NUP210: variants seen among roughly 807,000 people sequenced by gnomAD.
The protein encoded by NUP210 is nucleoporin 210.
In NUP210, 151 loss-of-function variants were observed where a neutral mutation model predicts 196.0. That is an observed-to-expected ratio of 0.77 (90% CI 0.67 to 0.88). The LOEUF is 0.88. NUP210 is among the 40% of genes least tolerant of loss of function. The pLI, the probability that NUP210 is intolerant of heterozygous loss-of-function variation, is 0.00. For missense variants in NUP210, 2,314 were observed against 2,493.7 expected (o/e 0.93, Z 1.53); for synonymous variants, 1,070 against 1,052.7 (o/e 1.02, Z -0.32).
chr3:13,340,449 C>T lies in NUP210; in HGVS notation c.3229-151G>A, dbSNP rs1697428287. 1.5e-6 allele frequency: 1 copy of T among 689,072 alleles called. No individual in the cohort carries two copies. The highest frequency in any genetic ancestry group is 2.5e-6 in the Non-Finnish European group (1 of 400,282). 42.7% of individuals were successfully genotyped at this position (689,072 alleles called of 1,614,324 possible). On this transcript the variant is annotated intron_variant, in intron 23 of 39. Coordinates refer to ENST00000254508, the MANE Select transcript of NUP210 (RefSeq NM_024923.4). The surrounding 1 kb of genome is among the most constrained non-coding windows in gnomAD (Gnocchi z 4.0). The stretch of plus-strand genomic sequence containing the variant: ...TGACCAGAGGGCCCAGGGTCCTGGG[C>T]CAATGCTGGGGGCTGTCTCCCAGCC...
chr3:13,319,998 C>T lies in NUP210; in HGVS notation c.5167-19G>A. 1 of 1,610,376 alleles carries T rather than the reference C, an allele frequency of 6.2e-7. No homozygotes were observed. The highest frequency in any genetic ancestry group is 8.5e-7 in the Non-Finnish European group (1 of 1,178,710). On this transcript the variant is annotated intron_variant, in intron 36 of 39. Coordinates refer to ENST00000254508, the MANE Select transcript of NUP210 (RefSeq NM_024923.4). ...ATTTCACCTGGAAGAGACATCAGAG[C>T]TGGGGGTGCACATTCTGCAGAGTGG...
At chr3:13,324,914 C>CA (rs1339869718) in intron 33 of NUP210, among the ~76,000 whole-genome samples, 1 of 152,246 alleles carries the variant, frequency 6.6e-6, no homozygotes, top group African/African-American at 2.4e-5. Flanking sequence ...TAAATCCTCA[C>CA]AACGCTATCA....
At chr3:13,387,407 C>A (rs1322976286) in intron 5 of NUP210, among the ~76,000 whole-genome samples, 1 of 152,190 alleles carries the variant, frequency 6.6e-6, no homozygotes, top group African/African-American at 2.4e-5. Flanking sequence ...TGTGGCTGTA[C>A]CCCATCCCAG....
chr3:13,326,068 G>A, intron 32 of NUP210, 137 bp from the exon 33 acceptor site: 1 of 1,133,690 alleles, frequency 8.8e-7, no homozygotes, highest in Non-Finnish European at 1.2e-6. Context: ...AGCCTCAGGA[G>A]ACAGCCACGC....
At chr3:13,362,631 A>G (rs1299909018) in intron 14 of NUP210, among the ~76,000 whole-genome samples, 1 of 152,184 alleles carries the variant, frequency 6.6e-6, no homozygotes, top group Non-Finnish European at 1.5e-5. Flanking sequence ...GATCTGATAT[A>G]GGTTATCGAC....
chr3:13,376,403 G>C lies in NUP210; in HGVS notation c.1181C>G (p.Ala394Gly). Residue 394 changes from alanine to glycine, a missense_variant, in exon 10 of 40, where the codon GCT becomes GGT. Ala to Gly is a moderately conservative substitution (Grantham distance 60, BLOSUM62 0). Coordinates refer to ENST00000254508, the MANE Select transcript of NUP210 (RefSeq NM_024923.4). ...GGACGAGAGCACCTCGAAGAACTCA[G>C]CAGGAAGCACAGTTTCAATTCGGAT... The part of the protein sequence containing the change: ...DNIRIETVLP[A>G]EFFEVLSSSQ... 2 of 1,614,272 alleles carry C rather than the reference G, an allele frequency of 1.2e-6. No individual in the cohort carries two copies. Among genetic ancestry groups the C allele is most frequent in the Non-Finnish European group, 1.7e-6 (2 of 1,180,048 alleles).
chr3:13,366,516 CTTTTTT>C (rs58529748), intron 13 of NUP210, among the ~76,000 whole-genome samples: 1 of 110,854 alleles, frequency 9.0e-6, no homozygotes, highest in Non-Finnish European at 1.8e-5. Flanking sequence ...TGATTTCTTT[CTTTTTT>C]TTTTTTTTTT....
chr3:13,340,446 G>A lies in NUP210; in HGVS notation c.3229-148C>T. The A allele has an allele frequency of 1.4e-6, 1 of 695,216 alleles. No individual in the cohort carries two copies. The highest frequency in any genetic ancestry group is 2.5e-6 in the Non-Finnish European group (1 of 405,680). 43.1% of individuals were successfully genotyped at this position (695,216 alleles called of 1,614,324 possible). A position where few individuals can be genotyped will look rare whatever the true frequency, so the allele number is the denominator to read the frequency against. On this transcript the variant is annotated intron_variant, in intron 23 of 39. Coordinates refer to ENST00000254508, the MANE Select transcript of NUP210 (RefSeq NM_024923.4). The surrounding 1 kb of genome is among the most constrained non-coding windows in gnomAD (Gnocchi z 4.0). ...CAGTGACCAGAGGGCCCAGGGTCCT[G>A]GGCCAATGCTGGGGGCTGTCTCCCA...
At position 13,323,935 on chromosome 3, in the gene NUP210, C is replaced by T. The variant is rs1696640322; in HGVS notation, c.4645-503G>A. Among the ~76,000 whole-genome samples the T allele has an allele frequency of 6.6e-6, 1 of 152,166 alleles. No homozygotes were observed. Among genetic ancestry groups the T allele is most frequent in the South Asian group, 2.1e-4 (1 of 4,830 alleles). Reference sequence around the variant, plus strand: ...CTCTGCAGAGCCCAGCCTCATCCACCCTTCAGGCCCAAGGCCACTTCCTGC... The same window carrying T: ...CTCTGCAGAGCCCAGCCTCATCCACTCTTCAGGCCCAAGGCCACTTCCTGC... On this transcript the variant is annotated intron_variant, in intron 33 of 39. Transcript: ENST00000254508. This position sits in a 1 kb window ranked among gnomAD's most constrained non-coding sequence, Gnocchi z 4.3.
Position 13,347,611 on chromosome 3 carries a change from C to T in NUP210, c.2835+4268G>A. ...CCCCCAGAGACACTCCAAAGCCACA[C>T]ATTCCCGCAAGCCATCCTTCCGTGC... On this transcript the variant is annotated intron_variant, in intron 20 of 39. Coordinates refer to ENST00000254508, the MANE Select transcript of NUP210 (RefSeq NM_024923.4). This position sits in a 1 kb window ranked among gnomAD's most constrained non-coding sequence, Gnocchi z 4.7. 6.6e-6 allele frequency among the ~76,000 whole-genome samples: 1 copy of T among 152,176 alleles called. No homozygotes were observed. Among genetic ancestry groups the T allele is most frequent in the Non-Finnish European group, 1.5e-5 (1 of 68,034 alleles).
chr3:13,401,169 G>A (rs1376074665), intron 1 of NUP210, among the ~76,000 whole-genome samples: 1 of 66,524 alleles, frequency 1.5e-5, no homozygotes, highest in Non-Finnish European at 3.0e-5. Context: ...TGAGGCAGGA[G>A]AATCGCTTGA....
chr3:13,362,518 T>C lies in NUP210; in HGVS notation c.1933-2027A>G, dbSNP rs184525050. ...AAAGAAATTTCTGTTGTTTATAAGC[T>C]ACCCAGTCCAAGGTGTTTCGTTAAG... is the stretch of plus-strand genomic sequence containing the variant. On this transcript the variant is annotated intron_variant, in intron 14 of 39. Coordinates refer to ENST00000254508, the MANE Select transcript of NUP210 (RefSeq NM_024923.4). 9.8e-5 allele frequency among the ~76,000 whole-genome samples: 15 copies of C among 152,358 alleles called. 1 individual carries two copies. The highest frequency in any genetic ancestry group is 3.6e-4 in the African/African-American group (15 of 41,586).
chr3:13,374,010 A>C (rs117657208), intron 11 of NUP210, 137 bp from the exon 12 acceptor site: 2 of 990,792 alleles, frequency 2.0e-6, no homozygotes, highest in Middle Eastern at 3.0e-4. Flanking sequence ...GGGTTCACCC[A>C]TGCACACACT....
In NUP210 at chr3:13,328,862, C is replaced by G; in HGVS notation, c.4195G>C (p.Gly1399Arg). The G allele has an allele frequency of 6.2e-7, 1 of 1,614,182 alleles. No individual in the cohort carries two copies. ...NKEALVAVPL[G>R]MTVTFTVHFH... ...TGGACAGTGAAGGTCACGGTCATTC[C>G]CAAAGGCACGGCCACCAGGGCCTCC... The change falls in exon 31 of 40, where the codon GGA becomes CGA. Residue 1399 changes from glycine (G) to arginine (R), a missense_variant. Transcript: ENST00000254508.
chr3:13,407,366 T>C (rs1473247536), intron 1 of NUP210, among the ~76,000 whole-genome samples: 1 of 152,100 alleles, frequency 6.6e-6, no homozygotes, highest in Non-Finnish European at 1.5e-5. Context: ...CTTGAACCTG[T>C]CCTTCCTCTT....
chr3:13,349,596 G>A (rs1241324492), intron 20 of NUP210, among the ~76,000 whole-genome samples: 1 of 152,246 alleles, frequency 6.6e-6, no homozygotes, highest in Non-Finnish European at 1.5e-5. Context: ...GGTGTCACCA[G>A]AGAGAGATGC....
chr3:13,378,848 T>C, intron 8 of NUP210, 64 bp downstream of exon 8: 1 of 1,226,182 alleles, frequency 8.2e-7, no homozygotes, highest in Non-Finnish European at 1.2e-6. Flanking sequence ...TTCTTTTCTA[T>C]TTTTTAAACT....
intron 31 of NUP210, 28 bp downstream of exon 31, chr3:13,328,743 G>A (rs1334760197): frequency 1.2e-6 from 2 of 1,607,088 alleles, no homozygotes; most frequent in East Asian, 2.2e-5. Context: ...GGACTTCATA[G>A]GAGAAATGAC....
Position 13,348,329 on chromosome 3 carries a change from C to T in NUP210, c.2835+3550G>A. On this transcript the variant is annotated intron_variant, in intron 20 of 39. Coordinates refer to ENST00000254508, the MANE Select transcript of NUP210 (RefSeq NM_024923.4). This position sits in a 1 kb window ranked among gnomAD's most constrained non-coding sequence, Gnocchi z 4.0. The stretch of plus-strand genomic sequence containing the variant: ...AGCGGCAGCCTAGTCCATCACCGAC[C>T]TCTAGGAACTCTTGTTCTTGGAGTA... 2 of 971,718 alleles carry T rather than the reference C, an allele frequency of 2.1e-6. No homozygotes were observed. The highest frequency in any genetic ancestry group is 2.4e-6 in the Non-Finnish European group (2 of 817,470). 60.2% of individuals were successfully genotyped at this position (971,718 alleles called of 1,614,324 possible). A position where few individuals can be genotyped will look rare whatever the true frequency, so the allele number is the denominator to read the frequency against.
Sources: allele counts gnomAD v4.1 joint callset (sites outside exome capture counted in the v4.1 genomes callset), GRCh38; gene constraint gnomAD v4.1.1; non-coding constraint Gnocchi (gnomAD v3.1); transcripts MANE v1.5; gene names NCBI Gene and HGNC (gene_info 2026-07-23, HGNC 2026-07-21).